The following RPF1 variants were observed in gnomAD, a reference collection of about 807,000 sequenced individuals.
RPF1 encodes ribosome production factor 1.
In RPF1, 34 loss-of-function variants were observed where a neutral mutation model predicts 41.9. The observed-to-expected ratio is 0.81, with a 90% CI of 0.62 to 1.08. The LOEUF is 1.08. Among genes scored for constraint, RPF1 ranks in the 50% least tolerant of loss-of-function variants. The pLI, the probability that RPF1 is intolerant of heterozygous loss-of-function variation, is 0.00. For synonymous variants in RPF1, 140 were observed against 148.9 expected (o/e 0.94, Z 0.43); for missense variants, 425 against 435.2 (o/e 0.98, Z 0.21).
In RPF1 at chr1:84,480,839, AT is replaced by A. The variant is rs1205031664; in HGVS notation, c.229-115del. 33 of 582,412 alleles carry A rather than the reference AT, an allele frequency of 5.7e-5. No homozygotes were observed. In the Middle Eastern group the frequency reaches 8.6e-4, roughly 15 times the overall value. 36.1% of individuals were successfully genotyped at this position (582,412 alleles called of 1,614,324 possible). On this transcript the variant is annotated intron_variant, in intron 1 of 8. Coordinates refer to ENST00000370654, the MANE Select transcript of RPF1 (RefSeq NM_025065.7). ...CACGTCCAGATGCTTATTTCAATAG[AT>A]TACAAAGACCGCCCAGTTCGAGTAT...
rs7528067 is a variant in RPF1, at chr1:84,495,425, G to A, written c.669G>A (p.Met223Ile). The change falls in exon 6 of 9, where the codon ATG (methionine) becomes ATA (isoleucine). Residue 223 changes from methionine (M) to isoleucine (I), a missense_variant. Coordinates refer to ENST00000370654, the MANE Select transcript of RPF1 (RefSeq NM_025065.7). ...LPNGPTAHFK[M>I]SSVRLRKEIK... ...ATGGCCCAACTGCTCATTTTAAAAT[G>A]AGCAGTGTTCGTCTTCGTAAAGAAA... The A allele has an allele frequency of 0.032, 48,714 of 1,509,964 alleles. 1,396 individuals are homozygous for A. The highest frequency in any genetic ancestry group is 0.12 in the African/African-American group (8,939 of 71,948). 93.5% of individuals were successfully genotyped at this position (1,509,964 alleles called of 1,614,324 possible). A position where few individuals can be genotyped will look rare whatever the true frequency, so the allele number is the denominator to read the frequency against.
At chr1:84,492,460 T>C (rs1442128835) in intron 5 of RPF1, among the ~76,000 whole-genome samples, 1 of 152,250 alleles carries the variant, frequency 6.6e-6, no homozygotes, top group Non-Finnish European at 1.5e-5. Context: ...AGCTGTGATA[T>C]CAAATACAGA....
chr1:84,481,399 G>T (rs1570343726), intron 2 of RPF1, among the ~76,000 whole-genome samples: 1 of 152,208 alleles, frequency 6.6e-6, no homozygotes, highest in East Asian at 1.9e-4. Context: ...TTGGGAATGG[G>T]GAAGCTCCCC....
chr1:84,495,370 C>G lies in RPF1; in HGVS notation c.617-3C>G. 1.5e-6 allele frequency: 2 copies of G among 1,359,348 alleles called. No individual in the cohort carries two copies. Among genetic ancestry groups the G allele is most frequent in the South Asian group, 1.2e-5 (1 of 81,432 alleles). 84.2% of individuals were successfully genotyped at this position (1,359,348 alleles called of 1,614,324 possible). ...ATGTGTTTTTCTTAACTTTTATGAA[C>G]AGATGGACTTATTTTGAGTCACTTG... On this transcript the variant is annotated splice_polypyrimidine_tract_variant and splice_region_variant and intron_variant, in intron 5 of 8. Coordinates refer to ENST00000370654, the MANE Select transcript of RPF1 (RefSeq NM_025065.7).
At chr1:84,492,514 CCACT>C (rs1251935435) in intron 5 of RPF1, among the ~76,000 whole-genome samples, 3 of 152,156 alleles carry the variant, frequency 2.0e-5, no homozygotes, top group Admixed American at 6.6e-5. Flanking sequence ...CGTTTCTTAG[CCACT>C]CAATTTCCTC....
At chr1:84,496,566 TAAAAA>T (rs34913814) in intron 8 of RPF1, among the ~76,000 whole-genome samples, 196 bp downstream of exon 8, 3 of 131,874 alleles carry the variant, frequency 2.3e-5, no homozygotes, top group Non-Finnish European at 3.2e-5. Context: ...ACCCTTGAAC[TAAAAA>T]AAAAAAAAAA....
chr1:84,497,299 C>G lies in RPF1; in HGVS notation c.1009-130C>G, dbSNP rs1303160582. The G allele has an allele frequency of 4.5e-6, 3 of 668,778 alleles. No individual in the cohort carries two copies. The African/African-American group carries it at 5.6e-5, about 12-fold the overall frequency. 41.4% of individuals were successfully genotyped at this position (668,778 alleles called of 1,614,324 possible). On this transcript the variant is annotated intron_variant, in intron 8 of 8. Coordinates refer to ENST00000370654, the MANE Select transcript of RPF1 (RefSeq NM_025065.7). ...AAGACTGACTATTCGGGGTCTCGCA[C>G]AAACCCGGTTTTTCAGCACTAGTGT...
chr1:84,489,450 C>G (rs989622284), intron 3 of RPF1, among the ~76,000 whole-genome samples, 183 bp from the exon 4 acceptor site: 7 of 152,118 alleles, frequency 4.6e-5, no homozygotes, highest in Admixed American at 2.6e-4. Context: ...GTATTTTACA[C>G]AGGAGAAATC....
At chr1:84,489,523 C>T (rs1401148073) in intron 3 of RPF1, 110 bp from the exon 4 acceptor site, 2 of 664,316 alleles carry the variant, frequency 3.0e-6, no homozygotes, top group African/African-American at 1.8e-5. Context: ...CTTTAAAGCC[C>T]CTATCAGCTA....
Position 84,495,356 on chromosome 1 carries a change from T to C in RPF1, c.617-17T>C. 1 of 1,235,154 alleles carries C rather than the reference T, an allele frequency of 8.1e-7. No individual in the cohort carries two copies. The highest frequency in any genetic ancestry group is 1.2e-6 in the Non-Finnish European group (1 of 854,046). 76.5% of individuals were successfully genotyped at this position (1,235,154 alleles called of 1,614,324 possible). On this transcript the variant is annotated splice_polypyrimidine_tract_variant and intron_variant, in intron 5 of 8. Coordinates refer to ENST00000370654, the MANE Select transcript of RPF1 (RefSeq NM_025065.7). ...GATTACAGAGTTCAATGTGTTTTTC[T>C]TAACTTTTATGAACAGATGGACTTA...
chr1:84,479,895 A>G (rs921707296), intron 1 of RPF1, among the ~76,000 whole-genome samples: 9 of 152,192 alleles, frequency 5.9e-5, no homozygotes, highest in African/African-American at 1.7e-4. Context: ...GCAATACGTA[A>G]TAAATCCAAA....
rs765469612 is a variant in RPF1, at chr1:84,496,325, A to G, written c.963A>G (p.Lys321=). The G allele has an allele frequency of 1.2e-6, 2 of 1,613,254 alleles. No individual in the cohort carries two copies. The highest frequency in any genetic ancestry group is 2.2e-5 in the East Asian group (1 of 44,852). The change falls in exon 8 of 9, where the codon AAA becomes AAG. Residue 321 remains lysine (K), a synonymous_variant. Coordinates refer to ENST00000370654, the MANE Select transcript of RPF1 (RefSeq NM_025065.7). ...CCTTAAAATTAAGGTCTCTTCAGAA[A>G]GGAACCTTTGATTCTAAATATGGAG... ...RFTLKLRSLQ[K]GTFDSKYGEY...
chr1:84,496,947 C>A (rs916258208), intron 8 of RPF1, among the ~76,000 whole-genome samples: 1 of 152,054 alleles, frequency 6.6e-6, no homozygotes, highest in African/African-American at 2.4e-5. Flanking sequence ...TCTCGACTCA[C>A]TGCAACCTCC....
rs1051947630 is a variant in RPF1 at position 84,490,329 on chromosome 1, G to A, written c.473G>A (p.Arg158Gln). 42 of 1,586,314 alleles carry A rather than the reference G, an allele frequency of 2.6e-5. No individual in the cohort carries two copies. Among genetic ancestry groups the A allele is most frequent in the Non-Finnish European group, 3.2e-5 (37 of 1,170,954 alleles). ...TSDRPHGRTVRLCEQLSTVIP... is the reference protein window; with the variant it reads ...TSDRPHGRTVQLCEQLSTVIP... ...TATTTTGTTTTGCAGAGAACAGTAC[G>A]ACTCTGTGAACAGCTCTCCACAGTT... Residue 158 changes from arginine (R) to glutamine (Q), a missense_variant, in exon 5 of 9, where the codon CGA (arginine) becomes CAA (glutamine). Arg to Gln is a conservative substitution (Grantham distance 43). Coordinates refer to ENST00000370654, the MANE Select transcript of RPF1 (RefSeq NM_025065.7).
chr1:84,480,624 A>C (rs1681626876), intron 1 of RPF1, among the ~76,000 whole-genome samples: 1 of 152,242 alleles, frequency 6.6e-6, no homozygotes, highest in Non-Finnish European at 1.5e-5. Flanking sequence ...CCAGTTAGGC[A>C]AAACAAAACA....
At chr1:84,489,773 ATTAC>A in intron 4 of RPF1, 45 bp downstream of exon 4, 2 of 1,076,318 alleles carry the variant, frequency 1.9e-6, no homozygotes, top group Non-Finnish European at 1.4e-6. Flanking sequence ...TAATTTTCTT[ATTAC>A]TTCTATTTAA....
At chr1:84,489,298 T>TTTTG (rs536753269) in intron 3 of RPF1, among the ~76,000 whole-genome samples, 243 of 152,294 alleles carry the variant, frequency 1.6e-3, no homozygotes, top group African/African-American at 5.5e-3. Context: ...TTGGTTCTTT[T>TTTTG]TTTGTTTGTT....
intron 3 of RPF1, 124 bp downstream of exon 3, chr1:84,483,119 T>C (rs1191592212): frequency 1.8e-6 from 1 of 567,406 alleles, no homozygotes; most frequent in East Asian, 2.9e-5. Flanking sequence ...AGCTAAAATG[T>C]TGGCATATTA....
At chr1:84,493,101 G>C (rs775700944) in intron 5 of RPF1, among the ~76,000 whole-genome samples, 34 of 152,140 alleles carry the variant, frequency 2.2e-4, no homozygotes, top group Non-Finnish European at 4.1e-4. Flanking sequence ...TTAGAAACTG[G>C]TAAGTTTGGG....
Sources: allele counts gnomAD v4.1 joint callset (sites outside exome capture counted in the v4.1 genomes callset), GRCh38; gene constraint gnomAD v4.1.1; transcripts MANE v1.5; gene names NCBI Gene and HGNC (gene_info 2026-07-23, HGNC 2026-07-21).